MFHAS1: variants seen among roughly 807,000 people sequenced by gnomAD.
MFHAS1 encodes malignant fibrous histiocytoma-amplified sequence 1.
In MFHAS1, 50 loss-of-function variants were observed where a neutral mutation model predicts 70.4. The observed-to-expected ratio is 0.71, with a 90% CI of 0.57 to 0.90. The LOEUF (loss-of-function observed/expected upper bound fraction) is 0.90. Among genes scored for constraint, MFHAS1 ranks in the 40% least tolerant of loss-of-function variants. The probability of loss-of-function intolerance (pLI) is 0.00; values close to 1 mark genes in which losing one functional copy is unlikely to be tolerated. For synonymous variants in MFHAS1, 952 were observed against 620.0 expected (o/e 1.54, Z -7.96); for missense variants, 1,795 against 1,347.6 (o/e 1.33, Z -5.20).
At chr8:8,889,152 T>TA (rs1488525935) in intron 1 of MFHAS1, among the ~76,000 whole-genome samples, 2 of 152,162 alleles carry the variant, frequency 1.3e-5, no homozygotes, top group Non-Finnish European at 1.5e-5. Context: ...AGAAAACTCT[T>TA]AGCTTTCTGT....
Position 8,890,867 on chromosome 8 carries a change from G to C in MFHAS1, c.2192C>G (p.Thr731Ser). The change falls in exon 1 of 3, where the codon ACC becomes AGC. Residue 731 changes from threonine (T) to serine (S), a missense_variant. Physicochemically the swap from Thr to Ser is moderately conservative, Grantham distance 58 (BLOSUM62 1). Transcript: ENST00000276282. Reference protein sequence around the residue: ...ALKEHVFHNLTRLIDILNVFF... With the variant: ...ALKEHVFHNLSRLIDILNVFF... ...GACATTGAGGATGTCGATGAGGCGG[G>C]TGAGGTTGTGGAAGACGTGCTCCTT... is the stretch of plus-strand genomic sequence containing the variant. The C allele has an allele frequency of 1.2e-6, 2 of 1,614,164 alleles. No homozygotes were observed. Among genetic ancestry groups the C allele is most frequent in the Non-Finnish European group, 1.7e-6 (2 of 1,180,036 alleles).
intron 1 of MFHAS1, among the ~76,000 whole-genome samples, chr8:8,819,567 G>A (rs1220079306): frequency 2.8e-5 from 4 of 140,632 alleles, no homozygotes; most frequent in East Asian, 2.0e-4. Context: ...TCACGCCACT[G>A]CACTCCAGCC....
At position 8,891,163 on chromosome 8, in the gene MFHAS1, C is replaced by T. The variant is rs765985421; in HGVS notation, c.1896G>A (p.Pro632=). 1.9e-6 allele frequency: 3 copies of T among 1,613,496 alleles called. No individual in the cohort carries two copies. Among genetic ancestry groups the T allele is most frequent in the African/African-American group, 1.3e-5 (1 of 75,036 alleles). The stretch of plus-strand genomic sequence containing the variant: ...TGTCCCGAAGGCGTCGTAAGTGGCG[C>T]GGGTCCCTGCAGCTAACAGGCAACA... ...SPVLPVSCRD[P]RHLRRLRDKL... Residue 632 remains proline (P), a synonymous_variant, in exon 1 of 3, where the codon CCG becomes CCA. Transcript: ENST00000276282. This position sits in a 1 kb window ranked among gnomAD's most constrained non-coding sequence, Gnocchi z 5.4.
chr8:8,833,438 G>A (rs1164332192), intron 1 of MFHAS1, among the ~76,000 whole-genome samples: 1 of 152,056 alleles, frequency 6.6e-6, no homozygotes, highest in Non-Finnish European at 1.5e-5. Flanking sequence ...AGACCAGCCT[G>A]GGCAACACAG....
rs781119830 is a variant in MFHAS1, at chr8:8,785,929, C to G, written c.*93G>C. ...TTGTCACTCAAGTTCACAGAACACGCTGGGGTGAGTGCAGAGGGTCTGCCA... is the reference window on the plus strand; with the variant it reads ...TTGTCACTCAAGTTCACAGAACACGGTGGGGTGAGTGCAGAGGGTCTGCCA... On this transcript the variant is annotated 3_prime_UTR_variant, in exon 3 of 3. Coordinates refer to ENST00000276282, the MANE Select transcript of MFHAS1 (RefSeq NM_004225.3). 33 of 1,345,900 alleles carry G rather than the reference C, an allele frequency of 2.5e-5. No individual in the cohort carries two copies. Among genetic ancestry groups the G allele is most frequent in the Non-Finnish European group, 2.7e-5 (25 of 936,420 alleles). 83.4% of individuals were successfully genotyped at this position (1,345,900 alleles called of 1,614,324 possible).
At position 8,811,035 on chromosome 8, in the gene MFHAS1, T is replaced by C. The variant is rs184555275; in HGVS notation, c.2999-13544A>G. On this transcript the variant is annotated intron_variant, in intron 1 of 2. Coordinates refer to ENST00000276282, the MANE Select transcript of MFHAS1 (RefSeq NM_004225.3). The stretch of plus-strand genomic sequence containing the variant: ...CTTGAAATGGCTCAACTTTCTCCTT[T>C]TGCTCATGAATAATATCTCGCGCAG... Among the ~76,000 whole-genome samples the C allele has an allele frequency of 1.6e-3, 239 of 152,230 alleles. 2 individuals carry two copies. The highest frequency in any genetic ancestry group is 5.3e-3 in the African/African-American group (221 of 41,526).
rs75993035 is a variant in MFHAS1 at position 8,843,801 on chromosome 8, T to C, written c.2998+46260A>G. Among the ~76,000 whole-genome samples the C allele has an allele frequency of 5.0e-3, 758 of 152,010 alleles. 8 individuals are homozygous for C. The highest frequency in any genetic ancestry group is 0.018 in the African/African-American group (736 of 41,420). On this transcript the variant is annotated intron_variant, in intron 1 of 2. Transcript: ENST00000276282. ...CCTATCTTACAGGCTGGAAAAGGAG[T>C]CACATTTCTCTTAAATTTAACTTTT...
At chr8:8,875,224 C>T (rs1245570604) in intron 1 of MFHAS1, among the ~76,000 whole-genome samples, 3 of 151,686 alleles carry the variant, frequency 2.0e-5, no homozygotes, top group Non-Finnish European at 4.4e-5. Context: ...GATTACTGCC[C>T]AAATAAAAAA....
chr8:8,802,526 C>T (rs1412467939), intron 1 of MFHAS1, among the ~76,000 whole-genome samples: 2 of 152,212 alleles, frequency 1.3e-5, no homozygotes, highest in Middle Eastern at 3.2e-3. Context: ...TCACCAGATA[C>T]CAAATCTGCT....
In MFHAS1 at chr8:8,877,669, C is replaced by G. The variant is rs114764413; in HGVS notation, c.2998+12392G>C. The stretch of plus-strand genomic sequence containing the variant: ...CTCTGCAGAGCAGGTGTTCTGTCAG[C>G]TTAACAATAACTTGATTATGAGTCT... On this transcript the variant is annotated intron_variant, in intron 1 of 2. Coordinates refer to ENST00000276282, the MANE Select transcript of MFHAS1 (RefSeq NM_004225.3). 3.9e-3 allele frequency among the ~76,000 whole-genome samples: 600 copies of G among 152,306 alleles called. 4 individuals carry two copies. The highest frequency in any genetic ancestry group is 0.014 in the African/African-American group (577 of 41,562).
At chr8:8,813,573 T>C (rs978164502) in intron 1 of MFHAS1, among the ~76,000 whole-genome samples, 13 of 152,082 alleles carry the variant, frequency 8.5e-5, no homozygotes, top group African/African-American at 2.7e-4. Flanking sequence ...AAAAAAGCTT[T>C]AAAAATTAAA....
At chr8:8,814,299 A>T (rs761189219) in intron 1 of MFHAS1, among the ~76,000 whole-genome samples, 3 of 152,178 alleles carry the variant, frequency 2.0e-5, no homozygotes, top group Non-Finnish European at 4.4e-5. Context: ...ATGCACAAAT[A>T]CTTACCATCG....
At chr8:8,819,435 C>G (rs1385391710) in intron 1 of MFHAS1, among the ~76,000 whole-genome samples, 1 of 151,954 alleles carries the variant, frequency 6.6e-6, no homozygotes, top group Non-Finnish European at 1.5e-5. Context: ...GAAACCCCAT[C>G]TCTACTAAAA....
Position 8,819,391 on chromosome 8 carries a change from G to A in MFHAS1, c.2999-21900C>T, listed in dbSNP as rs538859761. ...GAGGCCGAGGTGGGCGGATCACGAG[G>A]TCAGGAGATCGAGACCATCCTGGCT... On this transcript the variant is annotated intron_variant, in intron 1 of 2. Coordinates refer to ENST00000276282, the MANE Select transcript of MFHAS1 (RefSeq NM_004225.3). Among the ~76,000 whole-genome samples, 52 of 152,174 alleles carry A rather than the reference G, an allele frequency of 3.4e-4. 1 individual carries two copies. The South Asian group carries it at 8.1e-3, about 24-fold the overall frequency.
chr8:8,860,154 G>C (rs768174809), intron 1 of MFHAS1: 1 of 152,214 alleles, frequency 6.6e-6, no homozygotes, highest in South Asian at 2.1e-4. Flanking sequence ...GGTACGGTCA[G>C]AGGGAGCACA....
Position 8,794,890 on chromosome 8 carries a change from C to T in MFHAS1, c.3125+2475G>A, listed in dbSNP as rs80333730. Among the ~76,000 whole-genome samples, 30 of 152,258 alleles carry T rather than the reference C, an allele frequency of 2.0e-4. No individual in the cohort carries two copies. The East Asian group carries it at 5.6e-3, about 28-fold the overall frequency. On this transcript the variant is annotated intron_variant, in intron 2 of 2. Transcript: ENST00000276282. Reference sequence around the variant, plus strand: ...TGTTCGTTCAGGTTCAATACGCTGTCGAGAGAGAGGCTGATAACATTTTTT... The same window carrying T: ...TGTTCGTTCAGGTTCAATACGCTGTTGAGAGAGAGGCTGATAACATTTTTT...
chr8:8,791,143 T>G (rs1408956970), intron 2 of MFHAS1, among the ~76,000 whole-genome samples: 2 of 139,840 alleles, frequency 1.4e-5, no homozygotes, highest in African/African-American at 5.6e-5. Context: ...TTTTTTTTTT[T>G]GCTAATTCTG....
intron 1 of MFHAS1, among the ~76,000 whole-genome samples, chr8:8,830,281 T>C (rs1288306712): frequency 6.6e-6 from 1 of 152,204 alleles, no homozygotes; most frequent in African/African-American, 2.4e-5. Flanking sequence ...AACTAGAGTC[T>C]GGTTCTATCT....
At chr8:8,822,595 G>T (rs1263798711) in intron 1 of MFHAS1, among the ~76,000 whole-genome samples, 3 of 150,988 alleles carry the variant, frequency 2.0e-5, no homozygotes, top group African/African-American at 7.3e-5. Flanking sequence ...ACCAAATCAG[G>T]GGGAATGAGA....
Sources: gnomAD v4.1 joint callset for allele counts (sites outside exome capture counted in the v4.1 genomes callset) on GRCh38, gnomAD v4.1.1 for gene constraint, Gnocchi (gnomAD v3.1) non-coding constraint, MANE v1.5 for transcripts, NCBI Gene and HGNC (gene_info 2026-07-23, HGNC 2026-07-21) for gene names.